ABRACL: variants seen among roughly 807,000 people sequenced by gnomAD.
ABRACL encodes ABRA C-terminal like, also known as costars family protein ABRACL.
Under a neutral mutation model 7.0 loss-of-function variants are expected in ABRACL, and 4 were observed. The ratio of observed to expected loss-of-function variants is 0.57; its 90% CI spans 0.28 to 1.30. The LOEUF (loss-of-function observed/expected upper bound fraction) is 1.30. ABRACL is among the 50% of genes most tolerant of loss of function. The pLI is 0.10. For synonymous variants in ABRACL, 30 were observed against 36.0 expected (o/e 0.83, Z 0.60); for missense variants, 104 against 97.3 (o/e 1.07, Z -0.29).
At chr6:139,038,628 A>G (rs1786199888) in intron 2 of ABRACL, among the ~76,000 whole-genome samples, 1 of 152,184 alleles carries the variant, frequency 6.6e-6, no homozygotes, top group Admixed American at 6.5e-5. Context: ...AAATTCTTTC[A>G]TTCAACAAAT....
At chr6:139,041,425 ATCTCTCTCTCTC>A (rs72110050) in intron 2 of ABRACL, among the ~76,000 whole-genome samples, 6 of 117,268 alleles carry the variant, frequency 5.1e-5, no homozygotes, top group African/African-American at 2.1e-4. Flanking sequence ...CACCAGACCC[ATCTCTCTCTCTC>A]TCTCTCTCTC....
intron 2 of ABRACL, among the ~76,000 whole-genome samples, chr6:139,039,528 G>A (rs1786214164): frequency 6.6e-6 from 1 of 152,156 alleles, no homozygotes; most frequent in African/African-American, 2.4e-5. Flanking sequence ...GGATCATGAA[G>A]GACTTCTAGA....
intron 1 of ABRACL, among the ~76,000 whole-genome samples, chr6:139,029,480 G>A (rs1242072519): frequency 3.9e-5 from 6 of 151,974 alleles, no homozygotes; most frequent in Non-Finnish European, 7.4e-5. Context: ...CGCGGCGCCG[G>A]GCCGGGAGCT....
intron 1 of ABRACL, 90 bp from the exon 2 acceptor site, chr6:139,034,065 C>G: frequency 6.6e-7 from 1 of 1,516,866 alleles, no homozygotes; most frequent in Admixed American, 1.8e-5. Context: ...GTGACAGACG[C>G]GACCTGAACA....
chr6:139,029,460 G>C (rs956491173), intron 1 of ABRACL, among the ~76,000 whole-genome samples: 1 of 152,006 alleles, frequency 6.6e-6, no homozygotes, highest in Non-Finnish European at 1.5e-5. Flanking sequence ...GGCCACGGGG[G>C]AGGCAGACCC....
rs766064009 is a variant in ABRACL at position 139,042,739 on chromosome 6, G to A, written c.82G>A (p.Val28Met). Residue 28 changes from valine to methionine, a missense_variant, in exon 3 of 3, where the codon GTG becomes ATG. Coordinates refer to ENST00000367660, the MANE Select transcript of ABRACL (RefSeq NM_021243.3). ...ACTAGATGCTGATGGAAAGTTAAGCGTGAAATTTGGGGTCCTCTTCCGTGA... is the reference window on the plus strand; with the variant it reads ...ACTAGATGCTGATGGAAAGTTAAGCATGAAATTTGGGGTCCTCTTCCGTGA... ...GSKNADGKLS[V>M]KFGVLFRDDK... 1.8e-5 allele frequency: 29 copies of A among 1,611,046 alleles called. No individual in the cohort carries two copies. In the East Asian group the frequency reaches 2.5e-4, roughly 14 times the overall value.
At chr6:139,041,636 C>T (rs903074153) in intron 2 of ABRACL, among the ~76,000 whole-genome samples, 36 of 151,158 alleles carry the variant, frequency 2.4e-4, no homozygotes, top group Admixed American at 1.7e-3. Flanking sequence ...GCTGGGATTA[C>T]AGGCATGAGC....
chr6:139,034,913 G>A (rs1786131184), intron 2 of ABRACL, among the ~76,000 whole-genome samples: 1 of 152,086 alleles, frequency 6.6e-6, no homozygotes, highest in South Asian at 2.1e-4. Context: ...TAGGTATTTG[G>A]TACATCTCAG....
At position 139,034,232 on chromosome 6, in the gene ABRACL, G is replaced by A. The variant is rs2114303169; in HGVS notation, c.61+11G>A. On this transcript the variant is annotated intron_variant, in intron 2 of 2. Coordinates refer to ENST00000367660, the MANE Select transcript of ABRACL (RefSeq NM_021243.3). The stretch of plus-strand genomic sequence containing the variant: ...GTTTGGGTTCAAAAAGTAAGTATCT[G>A]ACAGAGATAGAGTATTTCTCCTGGC... 1 of 1,614,182 alleles carries A rather than the reference G, an allele frequency of 6.2e-7. No homozygotes were observed. Among genetic ancestry groups the A allele is most frequent in the Non-Finnish European group, 8.5e-7 (1 of 1,180,040 alleles).
At chr6:139,029,281 G>A (rs539974533) in intron 1 of ABRACL, among the ~76,000 whole-genome samples, 55 of 152,246 alleles carry the variant, frequency 3.6e-4, no homozygotes, top group African/African-American at 1.2e-3. Context: ...GAACGTGGTG[G>A]CCTCAGGGCA....
intron 1 of ABRACL, 31 bp from the exon 2 acceptor site, chr6:139,034,124 A>C (rs1206288723): frequency 6.2e-7 from 1 of 1,613,750 alleles, no homozygotes; most frequent in African/African-American, 1.3e-5. Flanking sequence ...TGTAATGGTG[A>C]TAATTTAGAC....
At chr6:139,034,469 CA>C (rs1786125887) in intron 2 of ABRACL, 1 of 1,418,372 alleles carries the variant, frequency 7.1e-7, no homozygotes. Flanking sequence ...CGATAGAAAG[CA>C]AATTACCAAG....
At chr6:139,041,965 C>G (rs6906235) in intron 2 of ABRACL, among the ~76,000 whole-genome samples, 2 of 151,734 alleles carry the variant, frequency 1.3e-5, no homozygotes, top group Non-Finnish European at 2.9e-5. Flanking sequence ...TGATGGCCAT[C>G]GTCTTGACAG....
At chr6:139,038,813 C>T (rs937233687) in intron 2 of ABRACL, among the ~76,000 whole-genome samples, 1 of 152,204 alleles carries the variant, frequency 6.6e-6, no homozygotes, top group South Asian at 2.1e-4. Flanking sequence ...AATCCCAGCT[C>T]CTCTACATAC....
chr6:139,033,403 C>T lies in ABRACL; in HGVS notation c.-6-752C>T, dbSNP rs546711777. Among the ~76,000 whole-genome samples, 9 of 152,352 alleles carry T rather than the reference C, an allele frequency of 5.9e-5. No individual in the cohort carries two copies. The South Asian group carries it at 1.7e-3, about 28-fold the overall frequency. ...ACTGCCCAGAGAAGGCCATGACGTCCCTGTACGTCACTGGATTGACCGGAT... is the reference window on the plus strand; with the variant it reads ...ACTGCCCAGAGAAGGCCATGACGTCTCTGTACGTCACTGGATTGACCGGAT... On this transcript the variant is annotated intron_variant, in intron 1 of 2. Transcript: ENST00000367660.
chr6:139,030,190 C>T (rs535899472), intron 1 of ABRACL, among the ~76,000 whole-genome samples: 3 of 151,972 alleles, frequency 2.0e-5, no homozygotes, highest in South Asian at 4.2e-4. Context: ...CATAGTTTCA[C>T]GGTACTCGTG....
At position 139,042,895 on chromosome 6, in the gene ABRACL, C is replaced by T. The variant is rs1562221591; in HGVS notation, c.238C>T (p.Gln80Ter). ...VHDDVDIILL[Q>*]D ...TGATGATGTTGACATTATATTACTG[C>T]AAGATTAATGTGGTTTACATATCTT... The change falls in exon 3 of 3, where the codon CAA becomes TAA. Residue 80 changes from glutamine (Q) to a stop codon, truncating the protein, a stop_gained. Transcript: ENST00000367660. LOFTEE classifies it high-confidence loss of function. 6.2e-7 allele frequency: 1 copy of T among 1,607,690 alleles called. No homozygotes were observed. The highest frequency in any genetic ancestry group is 1.1e-5 in the South Asian group (1 of 89,636).
chr6:139,032,022 G>T (rs1207280615), intron 1 of ABRACL, among the ~76,000 whole-genome samples: 1 of 151,078 alleles, frequency 6.6e-6, no homozygotes, highest in Non-Finnish European at 1.5e-5. Context: ...GTGCAGTGGC[G>T]TGATCTCGGC....
At chr6:139,031,726 G>T (rs1786083953) in intron 1 of ABRACL, among the ~76,000 whole-genome samples, 1 of 152,090 alleles carries the variant, frequency 6.6e-6, no homozygotes, top group Non-Finnish European at 1.5e-5. Flanking sequence ...AAAATCACAG[G>T]GCTGAACCTC....
Sources: gnomAD v4.1 joint callset for allele counts (sites outside exome capture counted in the v4.1 genomes callset) on GRCh38, gnomAD v4.1.1 for gene constraint, MANE v1.5 for transcripts, NCBI Gene and HGNC (gene_info 2026-07-23, HGNC 2026-07-21) for gene names.